Variants in ASXL3 observed in about 807,000 individuals in gnomAD.
ASXL3 encodes the protein putative Polycomb group protein ASXL3.
Under a neutral mutation model 170.6 loss-of-function variants are expected in ASXL3, and 34 were observed. The observed-to-expected ratio is 0.20, with a 90% CI of 0.15 to 0.27. ASXL3 has a LOEUF of 0.27. Ranked by LOEUF, ASXL3 falls within the 10% of genes least tolerant of loss-of-function variation. The pLI is 1.00. For missense variants in ASXL3, 2,592 were observed against 2,695.3 expected, an observed-to-expected ratio of 0.96 and a Z score of 0.85; for synonymous variants, 1,002 against 989.1, an observed-to-expected ratio of 1.01 and a Z score of -0.24.
At chr18:33,686,230 C>T (rs867252258) in intron 8 of ASXL3, among the ~76,000 whole-genome samples, 8 of 152,176 alleles carry the variant, frequency 5.3e-5, no homozygotes, top group Middle Eastern at 3.4e-3. Context: ...GTGTACTATA[C>T]GCAAGAATGG....
At chr18:33,618,703 A>G (rs943155034) in intron 2 of ASXL3, among the ~76,000 whole-genome samples, 2 of 151,884 alleles carry the variant, frequency 1.3e-5, no homozygotes, top group Non-Finnish European at 2.9e-5. Flanking sequence ...ATTTCAGACC[A>G]TTTTCTGTGT....
chr18:33,590,698 C>G (rs1020116554), intron 1 of ASXL3, among the ~76,000 whole-genome samples: 1 of 152,062 alleles, frequency 6.6e-6, no homozygotes, highest in African/African-American at 2.4e-5. Context: ...TACAAAGAAC[C>G]TAAATATCTC....
chr18:33,740,598 A>T (rs1307675763), intron 11 of ASXL3, among the ~76,000 whole-genome samples, 155 bp downstream of exon 11: 1 of 152,210 alleles, frequency 6.6e-6, no homozygotes, highest in African/African-American at 2.4e-5. Flanking sequence ...CTTTATGACT[A>T]TGTACTGAAT....
intron 9 of ASXL3, among the ~76,000 whole-genome samples, chr18:33,733,112 G>A (rs1263716064): frequency 6.6e-6 from 1 of 151,988 alleles, no homozygotes; most frequent in African/African-American, 2.4e-5. Flanking sequence ...TCTAATCATA[G>A]TATTCCCTAA....
At chr18:33,728,789 C>A (rs1252576239) in intron 8 of ASXL3, among the ~76,000 whole-genome samples, 1 of 152,150 alleles carries the variant, frequency 6.6e-6, no homozygotes, top group Non-Finnish European at 1.5e-5. Context: ...CTAGCAATGT[C>A]TCAGTTTCAT....
chr18:33,743,639 T>C lies in ASXL3; in HGVS notation c.3791T>C (p.Leu1264Pro). The C allele has an allele frequency of 6.2e-7, 1 of 1,613,738 alleles. No individual in the cohort carries two copies. The highest frequency in any genetic ancestry group is 8.5e-7 in the Non-Finnish European group (1 of 1,179,876). ...FVSSVDKSSV[L>P]MSVDSANTTI... ...AGTTCTGTTGATAAATCCTCTGTCCTAATGTCTGTTGACAGTGCAAACACT... is the reference window on the plus strand; with the variant it reads ...AGTTCTGTTGATAAATCCTCTGTCCCAATGTCTGTTGACAGTGCAAACACT... Residue 1264 changes from leucine to proline, a missense_variant, in exon 12 of 12, where the codon CTA becomes CCA. Transcript: ENST00000269197.
chr18:33,655,078 G>A (rs1474956880), intron 4 of ASXL3, among the ~76,000 whole-genome samples: 1 of 151,984 alleles, frequency 6.6e-6, no homozygotes, highest in African/African-American at 2.4e-5. Context: ...GTAATGAGGT[G>A]ATGGCATATC....
intron 3 of ASXL3, 39 bp downstream of exon 3, chr18:33,645,041 C>A: frequency 7.3e-7 from 1 of 1,367,570 alleles, no homozygotes; most frequent in Non-Finnish European, 1.0e-6. Flanking sequence ...TTACTATTAT[C>A]ATGCATTTTT....
chr18:33,605,332 T>C lies in ASXL3; in HGVS notation c.55-2262T>C, dbSNP rs889145717. 9.2e-5 allele frequency: 14 copies of C among 152,168 alleles called. 1 individual carries two copies. The Middle Eastern group carries it at 0.01, about 111-fold the overall frequency. 9.4% of individuals were successfully genotyped at this position (152,168 alleles called of 1,614,324 possible). Reference sequence around the variant, plus strand: ...GCATCAATGTTTTGTTCTGTGAAGATAATTTCTCCTTATCTTTTGTTCTAT... The same window carrying C: ...GCATCAATGTTTTGTTCTGTGAAGACAATTTCTCCTTATCTTTTGTTCTAT... On this transcript the variant is annotated intron_variant, in intron 1 of 11. Transcript: ENST00000269197.
chr18:33,688,394 T>C (rs2145297543), intron 8 of ASXL3, among the ~76,000 whole-genome samples: 1 of 152,328 alleles, frequency 6.6e-6, no homozygotes, highest in South Asian at 2.1e-4. Context: ...TTTAACATAT[T>C]GGATTGAAAT....
chr18:33,719,412 TA>T (rs1472259326), intron 8 of ASXL3, among the ~76,000 whole-genome samples: 1 of 152,072 alleles, frequency 6.6e-6, no homozygotes, highest in African/African-American at 2.4e-5. Flanking sequence ...TACAACTTGA[TA>T]AAACGGGGAC....
chr18:33,721,792 T>C (rs553337556), intron 8 of ASXL3, among the ~76,000 whole-genome samples: 12 of 152,220 alleles, frequency 7.9e-5, no homozygotes, highest in African/African-American at 2.9e-4. Context: ...ACTTCACAAA[T>C]ACTGTTTTTT....
At position 33,592,594 on chromosome 18, in the gene ASXL3, T is replaced by C. The variant is rs9960810; in HGVS notation, c.54+13909T>C. On this transcript the variant is annotated intron_variant, in intron 1 of 11. Coordinates refer to ENST00000269197, the MANE Select transcript of ASXL3 (RefSeq NM_030632.3). ...TGGTTCTTGTCTGGAAATGTAGATG[T>C]TAGTGAGAAATAAGCATTTGTTTCA... Among the ~76,000 whole-genome samples the C allele has an allele frequency of 5.0e-3, 762 of 152,336 alleles. 8 individuals are homozygous for C. Among genetic ancestry groups the C allele is most frequent in the African/African-American group, 0.017 (702 of 41,578 alleles).
intron 2 of ASXL3, among the ~76,000 whole-genome samples, chr18:33,622,984 G>A (rs753422064): frequency 1.3e-5 from 2 of 152,014 alleles, no homozygotes; most frequent in Non-Finnish European, 2.9e-5. Flanking sequence ...TATTAAAGAT[G>A]TGTTATCACT....
chr18:33,746,097 T>C lies in ASXL3; in HGVS notation c.6249T>C (p.Pro2083=), dbSNP rs1268761864. 12 of 1,613,626 alleles carry C rather than the reference T, an allele frequency of 7.4e-6. No individual in the cohort carries two copies. Among genetic ancestry groups the C allele is most frequent in the Non-Finnish European group, 1.0e-5 (12 of 1,179,848 alleles). The change falls in exon 12 of 12, where the codon CCT becomes CCC. Residue 2083 remains proline (P), a synonymous_variant. Transcript: ENST00000269197. ...TATGTAGCAATATAAAATCGGAACC[T>C]CTTTCTTTTGAGGAAGGTTTAAGCA... is the stretch of plus-strand genomic sequence containing the variant. ...TGICSNIKSE[P]LSFEEGLSSS... is the part of the protein sequence containing the mutation.
chr18:33,686,814 T>A (rs983908419), intron 8 of ASXL3, among the ~76,000 whole-genome samples: 1 of 152,162 alleles, frequency 6.6e-6, no homozygotes, highest in South Asian at 2.1e-4. Context: ...TTTAAACACA[T>A]GTTTTCGTGC....
intron 4 of ASXL3, 78 bp downstream of exon 4, chr18:33,646,431 A>C: frequency 1.0e-6 from 1 of 1,001,988 alleles, no homozygotes; most frequent in Non-Finnish European, 1.5e-6. Flanking sequence ...CATTAATTGA[A>C]TTTCCCACCA....
At chr18:33,704,155 T>C (rs531634455) in intron 8 of ASXL3, among the ~76,000 whole-genome samples, 3 of 152,302 alleles carry the variant, frequency 2.0e-5, no homozygotes, top group African/African-American at 7.2e-5. Context: ...TCAATAATTA[T>C]TTTTTAATGA....
chr18:33,579,308 C>T (rs1299294116), intron 1 of ASXL3, among the ~76,000 whole-genome samples: 3 of 151,980 alleles, frequency 2.0e-5, no homozygotes, highest in Admixed American at 2.0e-4. Context: ...GTGCTCTGCT[C>T]GATGTTTGTG....
Sources: allele counts gnomAD v4.1 joint callset (sites outside exome capture counted in the v4.1 genomes callset), GRCh38; gene constraint gnomAD v4.1.1; transcripts MANE v1.5; gene names NCBI Gene and HGNC (gene_info 2026-07-23, HGNC 2026-07-21).